Variants in CTNNA2 observed in about 807,000 individuals in gnomAD.
The protein encoded by CTNNA2 is catenin alpha-2.
CTNNA2 carries 42 observed loss-of-function variants against 101.0 expected under a neutral mutation model. The ratio of observed to expected loss-of-function variants is 0.42; its 90% CI spans 0.32 to 0.54. The LOEUF (loss-of-function observed/expected upper bound fraction) is 0.54. Among genes scored for constraint, CTNNA2 ranks in the 20% least tolerant of loss-of-function variants. CTNNA2 has a pLI of 0.14. For missense variants in CTNNA2, 871 were observed against 1,223.1 expected (o/e 0.71, Z 4.29); for synonymous variants, 450 against 456.4 (o/e 0.99, Z 0.18).
At chr2:79,739,979 G>A (rs925787309) in intron 2 of CTNNA2, among the ~76,000 whole-genome samples, 2 of 152,002 alleles carry the variant, frequency 1.3e-5, no homozygotes, top group African/African-American at 4.8e-5. Context: ...GTATATCTTG[G>A]TTCTTCATGA....
chr2:79,461,509 T>C (rs1367884959), intron 4 of CTNNA2, among the ~76,000 whole-genome samples: 1 of 152,124 alleles, frequency 6.6e-6, no homozygotes, highest in Non-Finnish European at 1.5e-5. Context: ...TTGGGAGTCC[T>C]TGAAGAAGCA....
At chr2:80,624,220 T>C (rs917343359) in intron 18 of CTNNA2, among the ~76,000 whole-genome samples, 1 of 143,734 alleles carries the variant, frequency 7.0e-6, no homozygotes, top group African/African-American at 2.5e-5. Context: ...ATTTGACTTC[T>C]TTAATTAAGT....
Position 80,555,688 on chromosome 2 carries a change from C to T in CTNNA2, c.1541-5C>T, listed in dbSNP as rs768334938. ...CATCTAAATGTGTATGTGTCCTCTC[C>T]ATAGAAAATCACATCTTGGAGGATG... On this transcript the variant is annotated splice_polypyrimidine_tract_variant and splice_region_variant and intron_variant, in intron 11 of 18. Transcript: ENST00000402739. The T allele has an allele frequency of 2.0e-5, 30 of 1,489,674 alleles. No homozygotes were observed. The highest frequency in any genetic ancestry group is 2.3e-5 in the Non-Finnish European group (26 of 1,113,508). 92.3% of individuals were successfully genotyped at this position (1,489,674 alleles called of 1,614,324 possible).
intron 7 of CTNNA2, among the ~76,000 whole-genome samples, chr2:80,324,432 C>T (rs1679036693): frequency 1.3e-5 from 2 of 152,250 alleles, no homozygotes; most frequent in African/African-American, 4.8e-5. Context: ...GACCTCTGAT[C>T]GTCTCGGGGT....
At chr2:79,554,894 A>G (rs1674346971) in intron 1 of CTNNA2, among the ~76,000 whole-genome samples, 1 of 152,314 alleles carries the variant, frequency 6.6e-6, no homozygotes, top group African/African-American at 2.4e-5. Context: ...GAAAATCCAA[A>G]CAGAGCAAAA....
intron 7 of CTNNA2, among the ~76,000 whole-genome samples, chr2:80,329,389 T>C (rs952935635): frequency 4.6e-5 from 7 of 152,214 alleles, no homozygotes. Context: ...TGAGAGGAGA[T>C]GGAGAATGAT....
At chr2:79,271,035 T>C (rs1015583778) in intron 2 of CTNNA2, among the ~76,000 whole-genome samples, 2 of 152,096 alleles carry the variant, frequency 1.3e-5, no homozygotes, top group African/African-American at 4.8e-5. Context: ...CTGTATAGTC[T>C]GACTTTGGAG....
intron 3 of CTNNA2, among the ~76,000 whole-genome samples, chr2:79,813,600 G>A (rs1677220677): frequency 6.6e-6 from 1 of 152,122 alleles, no homozygotes; most frequent in Admixed American, 6.5e-5. Context: ...TCAAGTAGAC[G>A]TAAAGTTCTA....
In CTNNA2 at chr2:79,841,038, G is replaced by C. The variant is rs184622018; in HGVS notation, c.299-16975G>C. Among the ~76,000 whole-genome samples the C allele has an allele frequency of 2.2e-3, 329 of 152,006 alleles. 2 individuals carry two copies. Among genetic ancestry groups the C allele is most frequent in the African/African-American group, 7.2e-3 (299 of 41,440 alleles). ...CCCGCCTCGGCCTTCCAAAGTGCTG[G>C]GATTACAGGCGTGAGCCACCGCGCC... On this transcript the variant is annotated intron_variant, in intron 3 of 18. Coordinates refer to ENST00000402739, the MANE Select transcript of CTNNA2 (RefSeq NM_001282597.3).
At chr2:79,541,425 C>CATAT (rs1488468016) in intron 1 of CTNNA2, among the ~76,000 whole-genome samples, 2 of 49,322 alleles carry the variant, frequency 4.1e-5, no homozygotes, top group East Asian at 1.0e-3. Flanking sequence ...CACGCACACA[C>CATAT]ACATATATAT....
intron 7 of CTNNA2, among the ~76,000 whole-genome samples, chr2:79,939,021 C>A (rs1687973680): frequency 6.6e-6 from 1 of 152,110 alleles, no homozygotes; most frequent in Admixed American, 6.6e-5. Context: ...GCACTGGGTT[C>A]CAACATAATC....
chr2:80,156,548 A>G (rs1372684339), intron 7 of CTNNA2, among the ~76,000 whole-genome samples: 1 of 152,226 alleles, frequency 6.6e-6, no homozygotes. Flanking sequence ...GAAAGGAGAA[A>G]AAGGTAGGTT....
chr2:79,819,760 A>G (rs1677859426), intron 3 of CTNNA2, among the ~76,000 whole-genome samples: 1 of 152,148 alleles, frequency 6.6e-6, no homozygotes, highest in South Asian at 2.1e-4. Flanking sequence ...ACAATAATTG[A>G]TTGTACATAT....
intron 7 of CTNNA2, among the ~76,000 whole-genome samples, chr2:80,323,544 C>T (rs1440686574): frequency 6.6e-6 from 1 of 152,134 alleles, no homozygotes; most frequent in Non-Finnish European, 1.5e-5. Flanking sequence ...ATCTCTGCCT[C>T]TATGCAGCAT....
At chr2:80,232,398 A>G (rs1474134142) in intron 7 of CTNNA2, among the ~76,000 whole-genome samples, 2 of 83,542 alleles carry the variant, frequency 2.4e-5, no homozygotes, top group Non-Finnish European at 2.5e-5. Flanking sequence ...TGTTAACACT[A>G]GTTTTGGCAG....
At chr2:80,184,190 T>C (rs1705967695) in intron 7 of CTNNA2, among the ~76,000 whole-genome samples, 1 of 152,296 alleles carries the variant, frequency 6.6e-6, no homozygotes, top group African/African-American at 2.4e-5. Flanking sequence ...TTCAGTGTGA[T>C]ACATTTGAAG....
chr2:79,874,449 CTT>C (rs1393138825), intron 6 of CTNNA2, 107 bp downstream of exon 6: 1 of 1,351,806 alleles, frequency 7.4e-7, no homozygotes, highest in East Asian at 2.3e-5. Context: ...TGATTTTTCT[CTT>C]TTGGAGGTTT....
intron 4 of CTNNA2, among the ~76,000 whole-genome samples, chr2:79,379,156 A>G (rs13421813): frequency 6.6e-6 from 1 of 152,224 alleles, no homozygotes; most frequent in Non-Finnish European, 1.5e-5. Context: ...AATTTTCTAC[A>G]TATACCTGTA....
At chr2:79,660,362 AATAC>A (rs1344434452) in intron 2 of CTNNA2, among the ~76,000 whole-genome samples, 6 of 150,996 alleles carry the variant, frequency 4.0e-5, no homozygotes, top group South Asian at 4.2e-4. Context: ...ATGTATACTA[AATAC>A]ATACACATAT....
Sources: gnomAD v4.1 joint callset for allele counts (sites outside exome capture counted in the v4.1 genomes callset) on GRCh38, gnomAD v4.1.1 for gene constraint, MANE v1.5 for transcripts, NCBI Gene and HGNC (gene_info 2026-07-23, HGNC 2026-07-21) for gene names.